HDDC2: variants seen among roughly 807,000 people sequenced by gnomAD.
HDDC2 encodes the protein 5'-deoxynucleotidase HDDC2.
HDDC2 carries 25 observed loss-of-function variants against 25.5 expected under a neutral mutation model. The observed-to-expected ratio is 0.98, with a 90% confidence interval of 0.72 to 1.37. HDDC2 has a LOEUF of 1.37. Among genes scored for constraint, HDDC2 ranks in the 40% most tolerant of loss-of-function variants. The pLI is 0.00. For missense variants in HDDC2, 264 were observed against 253.1 expected (o/e 1.04, Z -0.29); for synonymous variants, 106 against 89.7 (o/e 1.18, Z -1.03).
intron 3 of HDDC2, among the ~76,000 whole-genome samples, chr6:125,297,955 G>A (rs1798729198): frequency 6.6e-6 from 1 of 152,062 alleles, no homozygotes; most frequent in African/African-American, 2.4e-5. Context: ...TAAGTTAAAG[G>A]AGTAACTTAA....
At chr6:125,298,990 C>G (rs1798753042) in intron 2 of HDDC2, among the ~76,000 whole-genome samples, 174 bp from the exon 3 acceptor site, 2 of 152,150 alleles carry the variant, frequency 1.3e-5, no homozygotes, top group South Asian at 4.1e-4. Context: ...CAGTTCTGAT[C>G]AAAACTGTTA....
At chr6:125,280,957 C>T (rs907301809) in intron 4 of HDDC2, among the ~76,000 whole-genome samples, 2 of 152,210 alleles carry the variant, frequency 1.3e-5, no homozygotes. Flanking sequence ...CAGGAGAGCT[C>T]TGGCTAGCAT....
intron 4 of HDDC2, among the ~76,000 whole-genome samples, chr6:125,289,498 AAAAAAACAAAACAAAACAAAAAAAAC>A (rs1798597354): frequency 7.5e-6 from 1 of 133,606 alleles, no homozygotes; most frequent in Non-Finnish European, 1.5e-5. Context: ...AAAAAAATTA[AAAAAAACAAAACAAAACAAAAAAAAC>A]AAAAAAAAAA....
chr6:125,299,122 C>T (rs377344432), intron 2 of HDDC2, among the ~76,000 whole-genome samples: 44 of 152,282 alleles, frequency 2.9e-4, no homozygotes, highest in African/African-American at 1.0e-3. Flanking sequence ...CGGTGGCTCA[C>T]GCCTGTCATA....
intron 4 of HDDC2, among the ~76,000 whole-genome samples, chr6:125,279,769 G>T (rs1423353735): frequency 6.6e-6 from 1 of 152,128 alleles, no homozygotes; most frequent in East Asian, 1.9e-4. Flanking sequence ...ACAAAGGTCA[G>T]ATCCTATACA....
intron 4 of HDDC2, among the ~76,000 whole-genome samples, chr6:125,285,791 G>A (rs1036897015): frequency 4.6e-5 from 7 of 152,098 alleles, no homozygotes; most frequent in Non-Finnish European, 7.4e-5. Context: ...CACGTAAAAA[G>A]AGTATCTGGC....
At chr6:125,286,315 A>C (rs984440804) in intron 4 of HDDC2, among the ~76,000 whole-genome samples, 4 of 152,240 alleles carry the variant, frequency 2.6e-5, no homozygotes, top group African/African-American at 9.6e-5. Context: ...AACAATGTAG[A>C]TATAGTCCAA....
chr6:125,300,449 A>T (rs1194214373), intron 2 of HDDC2, 89 bp downstream of exon 2: 3 of 1,466,958 alleles, frequency 2.0e-6, no homozygotes, highest in Non-Finnish European at 2.7e-6. Flanking sequence ...ACTAACCTAC[A>T]AGGATTTGAC....
intron 4 of HDDC2, among the ~76,000 whole-genome samples, chr6:125,288,049 G>C (rs1441019990): frequency 6.6e-6 from 1 of 152,234 alleles, no homozygotes; most frequent in Non-Finnish European, 1.5e-5. Flanking sequence ...CACCTGTTTA[G>C]TGCTGAAGAG....
chr6:125,282,988 T>C (rs1348814896), intron 4 of HDDC2, among the ~76,000 whole-genome samples: 1 of 152,136 alleles, frequency 6.6e-6, no homozygotes, highest in Non-Finnish European at 1.5e-5. Context: ...GGCTTCATCT[T>C]TGGGATGCAA....
At chr6:125,279,789 T>C (rs1449810372) in intron 4 of HDDC2, among the ~76,000 whole-genome samples, 1 of 151,980 alleles carries the variant, frequency 6.6e-6, no homozygotes, top group Non-Finnish European at 1.5e-5. Context: ...AGCTATCCCA[T>C]AAGATAAAAA....
intron 4 of HDDC2, 51 bp downstream of exon 4, chr6:125,292,790 C>T (rs1313378011): frequency 3.8e-6 from 5 of 1,305,354 alleles, no homozygotes; most frequent in Non-Finnish European, 5.6e-6. Flanking sequence ...ATCAGGGAGC[C>T]ATATAAATTC....
Position 125,300,546 on chromosome 6 carries a change from G to C in HDDC2, c.198C>G (p.Asn66Lys). The C allele has an allele frequency of 6.2e-7, 1 of 1,613,894 alleles. No homozygotes were observed. The highest frequency in any genetic ancestry group is 8.5e-7 in the Non-Finnish European group (1 of 1,179,928). The change falls in exon 2 of 6, where the codon AAC (asparagine) becomes AAG (lysine). Residue 66 changes from asparagine to lysine, a missense_variant. Physicochemically the swap from Asn to Lys is moderately conservative, Grantham distance 94. Coordinates refer to ENST00000398153, the MANE Select transcript of HDDC2 (RefSeq NM_016063.3). ...MAMVIKDDRLNKDRCVRLALV... is the reference protein window; with the variant it reads ...MAMVIKDDRLKKDRCVRLALV... ...AGTCCAGCTCAGCTTACCGGTCTTT[G>C]TTAAGACGGTCATCTTTGATCACCA...
intron 3 of HDDC2, among the ~76,000 whole-genome samples, chr6:125,297,778 C>T (rs1798726223): frequency 6.6e-6 from 1 of 152,142 alleles, no homozygotes; most frequent in Admixed American, 6.5e-5. Flanking sequence ...AACCACTCAG[C>T]ATTCAAAAAA....
intron 3 of HDDC2, among the ~76,000 whole-genome samples, chr6:125,294,590 T>TA (rs1265753474): frequency 6.6e-6 from 1 of 152,236 alleles, no homozygotes; most frequent in African/African-American, 2.4e-5. Context: ...GTTTGCCAAT[T>TA]ACTTCCAGTT....
intron 4 of HDDC2, among the ~76,000 whole-genome samples, chr6:125,280,390 C>CTGT (rs1264638074): frequency 1.3e-5 from 2 of 152,266 alleles, no homozygotes; most frequent in Middle Eastern, 3.4e-3. Context: ...GCAAGACACA[C>CTGT]TGTTCACTCC....
At chr6:125,295,348 T>C (rs1439043952) in intron 3 of HDDC2, among the ~76,000 whole-genome samples, 2 of 152,228 alleles carry the variant, frequency 1.3e-5, no homozygotes, top group African/African-American at 2.4e-5. Context: ...GAAGGTATTA[T>C]TCATCATTCA....
chr6:125,285,124 C>T (rs373007188), intron 4 of HDDC2, among the ~76,000 whole-genome samples: 2 of 121,730 alleles, frequency 1.6e-5, no homozygotes, highest in African/African-American at 3.2e-5. Flanking sequence ...TGAGAACATA[C>T]GGGCACAGGG....
chr6:125,300,295 A>T (rs1427301253), intron 2 of HDDC2: 1 of 464,554 alleles, frequency 2.2e-6, no homozygotes, highest in Non-Finnish European at 3.8e-6. Context: ...CCCCAATATC[A>T]CACTTAAGTT....
Sources: gnomAD v4.1 joint callset for allele counts (sites outside exome capture counted in the v4.1 genomes callset) on GRCh38, gnomAD v4.1.1 for gene constraint, MANE v1.5 for transcripts, NCBI Gene and HGNC (gene_info 2026-07-23, HGNC 2026-07-21) for gene names.